Variants in HDAC9 observed in about 807,000 individuals in gnomAD.
HDAC9 encodes the protein histone deacetylase 9.
In HDAC9, 41 loss-of-function variants were observed where a neutral mutation model predicts 139.4. The ratio of observed to expected loss-of-function variants is 0.29; its 90% CI spans 0.23 to 0.38. HDAC9 has a LOEUF of 0.38. HDAC9 is among the 10% of genes least tolerant of loss of function. The pLI is 1.00. For synonymous variants in HDAC9, 517 were observed against 476.2 expected (o/e 1.09, Z -1.12); for missense variants, 1,147 against 1,297.0 (o/e 0.88, Z 1.78).
intron 12 of HDAC9, among the ~76,000 whole-genome samples, chr7:18,692,397 A>C (rs1167426173): frequency 6.6e-6 from 1 of 152,094 alleles, no homozygotes; most frequent in Non-Finnish European, 1.5e-5. Flanking sequence ...TGACCATGAC[A>C]TTTTTAAAAT....
rs146066951 is a variant in HDAC9 at position 18,789,286 on chromosome 7, G to GCGCACACACACACACACA, written c.2215-4058_2215-4057insGCACACACACACACACAC. On this transcript the variant is annotated intron_variant, in intron 16 of 25. Coordinates refer to ENST00000686413, the MANE Select transcript of HDAC9 (RefSeq NM_178425.4). ...TTAATGCACACGCAGACACATACACGCACACACACACACACACACACACAG... is the reference window on the plus strand; with the variant it reads ...TTAATGCACACGCAGACACATACACGCGCACACACACACACACACACACACACACACACACACACACAG... Among the ~76,000 whole-genome samples, 187 of 148,502 alleles carry GCGCACACACACACACACA rather than the reference G, an allele frequency of 1.3e-3. 1 individual carries two copies. The highest frequency in any genetic ancestry group is 4.2e-3 in the African/African-American group (166 of 39,970).
At chr7:18,640,885 C>G (rs1418302612) in intron 8 of HDAC9, among the ~76,000 whole-genome samples, 1 of 152,054 alleles carries the variant, frequency 6.6e-6, no homozygotes, top group Non-Finnish European at 1.5e-5. Context: ...CATGGCCCAT[C>G]ATCCTACAGC....
At chr7:18,326,493 T>C (rs1240731127) in intron 1 of HDAC9, among the ~76,000 whole-genome samples, 1 of 152,046 alleles carries the variant, frequency 6.6e-6, no homozygotes, top group Non-Finnish European at 1.5e-5. Context: ...TTACCAATTC[T>C]CAATTCCTCT....
intron 12 of HDAC9, among the ~76,000 whole-genome samples, chr7:18,691,686 T>C (rs191898441): frequency 2.6e-5 from 4 of 152,232 alleles, no homozygotes; most frequent in Admixed American, 2.6e-4. Context: ...TTCACCCTAC[T>C]CTGTGTGTCA....
At chr7:18,106,606 C>T (rs568937510) in intron 1 of HDAC9, among the ~76,000 whole-genome samples, 26 of 152,280 alleles carry the variant, frequency 1.7e-4, no homozygotes, top group African/African-American at 5.5e-4. Flanking sequence ...GCACACTCTA[C>T]GACACCTGGC....
chr7:18,683,820 C>G (rs1782060341), intron 12 of HDAC9, among the ~76,000 whole-genome samples: 1 of 151,946 alleles, frequency 6.6e-6, no homozygotes, highest in South Asian at 2.1e-4. Flanking sequence ...GTTGAGTTTT[C>G]TACGTGTAAT....
At chr7:18,922,427 A>G (rs1803840361) in intron 22 of HDAC9, among the ~76,000 whole-genome samples, 1 of 152,060 alleles carries the variant, frequency 6.6e-6, no homozygotes, top group South Asian at 2.1e-4. Flanking sequence ...AGCTAGAAGG[A>G]AGCCTTCAAG....
At chr7:18,844,075 T>G (rs899945891) in intron 21 of HDAC9, among the ~76,000 whole-genome samples, 2 of 152,202 alleles carry the variant, frequency 1.3e-5, no homozygotes, top group Non-Finnish European at 1.5e-5. Context: ...TGGTGTCATA[T>G]AGATGGAACT....
intron 1 of HDAC9, chr7:18,458,843 C>T (rs753809387): frequency 2.2e-5 from 34 of 1,534,034 alleles, no homozygotes; most frequent in Non-Finnish European, 2.9e-5. Context: ...TCCCCACAGA[C>T]CTCATGTGGA....
chr7:18,871,525 G>A (rs1293207337), intron 21 of HDAC9, among the ~76,000 whole-genome samples: 3 of 152,134 alleles, frequency 2.0e-5, no homozygotes, highest in Admixed American at 6.6e-5. Flanking sequence ...CCATGAGTTC[G>A]TATGTATCTT....
At chr7:18,945,534 T>C (rs1383982886) in intron 23 of HDAC9, among the ~76,000 whole-genome samples, 1 of 152,240 alleles carries the variant, frequency 6.6e-6, no homozygotes, top group Non-Finnish European at 1.5e-5. Flanking sequence ...GTTCTTTTTG[T>C]AATCTGTTTA....
intron 12 of HDAC9, among the ~76,000 whole-genome samples, chr7:18,701,411 A>G (rs1327588950): frequency 7.4e-6 from 1 of 134,856 alleles, no homozygotes; most frequent in Non-Finnish European, 1.5e-5. Context: ...AAAAAACAAA[A>G]CAAACAAAAA....
At chr7:18,767,051 TA>T in intron 15 of HDAC9, 54 bp from the exon 16 acceptor site, 2 of 852,950 alleles carry the variant, frequency 2.3e-6, no homozygotes, top group Non-Finnish European at 3.6e-6. Flanking sequence ...GCCAACATTT[TA>T]AAAATTATAT....
intron 2 of HDAC9, among the ~76,000 whole-genome samples, chr7:18,247,006 A>G (rs1562790346): frequency 1.3e-5 from 2 of 152,114 alleles, no homozygotes; most frequent in African/African-American, 2.4e-5. Flanking sequence ...AACGTGAGCA[A>G]CTGGAAGGAT....
chr7:18,140,171 A>C (rs1192502764), intron 1 of HDAC9, among the ~76,000 whole-genome samples: 2 of 152,118 alleles, frequency 1.3e-5, no homozygotes, highest in Admixed American at 6.6e-5. Context: ...ATCTTCCCAA[A>C]ATGAAATCTG....
At chr7:18,393,861 A>G (rs1585590446) in intron 1 of HDAC9, among the ~76,000 whole-genome samples, 1 of 152,344 alleles carries the variant, frequency 6.6e-6, no homozygotes, top group African/African-American at 2.4e-5. Context: ...CTTAAAAGCC[A>G]CGCACGGAAC....
chr7:18,128,867 CCTCT>C (rs1784835972), intron 1 of HDAC9, among the ~76,000 whole-genome samples: 1 of 151,808 alleles, frequency 6.6e-6, no homozygotes, highest in South Asian at 2.1e-4. Context: ...TTTCTCCCTC[CCTCT>C]CTCATTGCTC....
At chr7:18,379,106 C>T (rs1026720755) in intron 1 of HDAC9, among the ~76,000 whole-genome samples, 2 of 152,110 alleles carry the variant, frequency 1.3e-5, no homozygotes, top group African/African-American at 4.8e-5. Flanking sequence ...TAAATAACTT[C>T]TCTGTTTTAA....
intron 1 of HDAC9, among the ~76,000 whole-genome samples, chr7:18,115,519 A>G (rs1397688375): frequency 6.6e-6 from 1 of 152,240 alleles, no homozygotes; most frequent in Non-Finnish European, 1.5e-5. Flanking sequence ...TTTTCTGAAA[A>G]TGTAGTAGAT....
Sources: gnomAD v4.1 joint callset for allele counts (sites outside exome capture counted in the v4.1 genomes callset) on GRCh38, gnomAD v4.1.1 for gene constraint, MANE v1.5 for transcripts, NCBI Gene and HGNC (gene_info 2026-07-23, HGNC 2026-07-21) for gene names.